COMMD1: variants seen among roughly 807,000 people sequenced by gnomAD.
COMMD1 encodes the protein copper metabolism domain containing 1.
A neutral mutation model predicts 17.2 loss-of-function variants in COMMD1; 10 were observed. The observed-to-expected ratio is 0.58, with a 90% CI of 0.36 to 0.99. The LOEUF (loss-of-function observed/expected upper bound fraction) is 0.99. Among genes scored for constraint, COMMD1 ranks in the 50% least tolerant of loss-of-function variants. The pLI, the probability that COMMD1 is intolerant of heterozygous loss-of-function variation, is 0.01. For synonymous variants in COMMD1, 97 were observed against 91.6 expected, an observed-to-expected ratio of 1.06 and a Z score of -0.34; for missense variants, 270 against 231.8, an observed-to-expected ratio of 1.17 and a Z score of -1.07.
intron 1 of COMMD1, chr2:61,915,663 T>A (rs1285878255): frequency 6.6e-6 from 3 of 453,304 alleles, no homozygotes; most frequent in Admixed American, 2.4e-5. Flanking sequence ...CTAATTTTTT[T>A]ATTTTTATCT....
chr2:62,007,895 T>C (rs1159016239), intron 2 of COMMD1, among the ~76,000 whole-genome samples: 4 of 152,088 alleles, frequency 2.6e-5, no homozygotes, highest in African/African-American at 9.7e-5. Context: ...TAATAATCCG[T>C]TTATGTCTGG....
At chr2:61,911,539 A>G (rs1669907352) in intron 1 of COMMD1, among the ~76,000 whole-genome samples, 1 of 152,212 alleles carries the variant, frequency 6.6e-6, no homozygotes, top group Non-Finnish European at 1.5e-5. Flanking sequence ...TGGTGCAGTC[A>G]TAATTCACTG....
intron 1 of COMMD1, among the ~76,000 whole-genome samples, chr2:61,938,939 A>G (rs1165585791): frequency 2.0e-5 from 3 of 152,150 alleles, no homozygotes; most frequent in Non-Finnish European, 2.9e-5. Flanking sequence ...ATAATCTGGT[A>G]CTCTCTAGAG....
intron 2 of COMMD1, among the ~76,000 whole-genome samples, chr2:62,107,348 A>G (rs1367705376): frequency 6.6e-6 from 1 of 152,200 alleles, no homozygotes; most frequent in Non-Finnish European, 1.5e-5. Context: ...TATCAACTGG[A>G]CTGGTAGCCC....
intron 2 of COMMD1, among the ~76,000 whole-genome samples, chr2:62,133,737 A>G (rs1438684960): frequency 6.6e-6 from 1 of 152,102 alleles, no homozygotes; most frequent in African/African-American, 2.4e-5. Context: ...TTATTTTACT[A>G]AGGTTTGGGC....
chr2:61,956,802 A>G (rs1231776996), intron 1 of COMMD1, among the ~76,000 whole-genome samples: 4 of 150,968 alleles, frequency 2.6e-5, no homozygotes. Flanking sequence ...CCAGGCTGGT[A>G]TGCAGTGGTG....
chr2:61,938,276 A>G (rs1007362037), intron 1 of COMMD1, among the ~76,000 whole-genome samples: 2 of 145,296 alleles, frequency 1.4e-5, no homozygotes, highest in African/African-American at 5.6e-5. Flanking sequence ...GCGTATTAAG[A>G]GACCAAAAAA....
chr2:62,005,694 A>G (rs1320675246), intron 2 of COMMD1, among the ~76,000 whole-genome samples: 2 of 152,170 alleles, frequency 1.3e-5, no homozygotes, highest in African/African-American at 2.4e-5. Context: ...GTCAGGAAAC[A>G]ACAGGTGCTG....
At chr2:62,063,050 C>G (rs1318065641) in intron 2 of COMMD1, among the ~76,000 whole-genome samples, 1 of 152,002 alleles carries the variant, frequency 6.6e-6, no homozygotes, top group Non-Finnish European at 1.5e-5. Flanking sequence ...AACCCCATCT[C>G]TACTAAAAAT....
chr2:61,976,126 G>A (rs1366965897), intron 1 of COMMD1, among the ~76,000 whole-genome samples: 1 of 150,344 alleles, frequency 6.7e-6, no homozygotes, highest in Admixed American at 6.7e-5. Flanking sequence ...CGTCTCATAT[G>A]TTTTATACCA....
At chr2:62,113,690 G>A (rs1672517090) in intron 2 of COMMD1, among the ~76,000 whole-genome samples, 1 of 152,136 alleles carries the variant, frequency 6.6e-6, no homozygotes, top group African/African-American at 2.4e-5. Flanking sequence ...CCTGGCCTGA[G>A]CCATTATATT....
intron 1 of COMMD1, among the ~76,000 whole-genome samples, chr2:61,992,411 T>C (rs1349035720): frequency 1.3e-5 from 2 of 152,208 alleles, no homozygotes; most frequent in Non-Finnish European, 1.5e-5. Context: ...CAATGTCAGA[T>C]GGGACATTGC....
intron 1 of COMMD1, among the ~76,000 whole-genome samples, chr2:61,910,256 C>A (rs1025143496): frequency 6.6e-6 from 1 of 151,680 alleles, no homozygotes; most frequent in Non-Finnish European, 1.5e-5. Flanking sequence ...ACACTGCCCC[C>A]CCCTTTTTTT....
At chr2:61,940,158 G>T (rs981276088) in intron 1 of COMMD1, among the ~76,000 whole-genome samples, 1 of 152,118 alleles carries the variant, frequency 6.6e-6, no homozygotes, top group Non-Finnish European at 1.5e-5. Context: ...AGGCTACAAA[G>T]TGGAGGATTT....
intron 2 of COMMD1, among the ~76,000 whole-genome samples, chr2:62,072,046 C>T (rs532208686): frequency 6.6e-6 from 1 of 151,686 alleles, no homozygotes; most frequent in Admixed American, 6.6e-5. Context: ...CAGCCTCACT[C>T]TAGTATAGTA....
chr2:62,101,730 A>G (rs1672183564), intron 2 of COMMD1, among the ~76,000 whole-genome samples: 1 of 152,132 alleles, frequency 6.6e-6, no homozygotes, highest in Admixed American at 6.5e-5. Context: ...TGGCTCATGA[A>G]GTAAAGTTCT....
chr2:62,086,386 C>A (rs1671669273), intron 2 of COMMD1, among the ~76,000 whole-genome samples: 1 of 151,650 alleles, frequency 6.6e-6, no homozygotes, highest in Non-Finnish European at 1.5e-5. Flanking sequence ...CGGCGTGCGC[C>A]TGTAGTCCCA....
chr2:62,059,335 T>G (rs867802531), intron 2 of COMMD1, among the ~76,000 whole-genome samples: 2 of 148,526 alleles, frequency 1.3e-5, no homozygotes. Flanking sequence ...AAAAAAAAAT[T>G]TTTTTGTTTT....
intron 1 of COMMD1, chr2:61,928,532 A>C (rs1670384560): frequency 2.0e-5 from 3 of 152,206 alleles, no homozygotes; most frequent in Admixed American, 6.6e-5. Context: ...TCGGAAAAGG[A>C]ATTTGTCACA....
Sources: gnomAD v4.1 joint callset for allele counts (sites outside exome capture counted in the v4.1 genomes callset) on GRCh38, gnomAD v4.1.1 for gene constraint, MANE v1.5 for transcripts, NCBI Gene and HGNC (gene_info 2026-07-23, HGNC 2026-07-21) for gene names.